Variants in BRD10 observed in about 807,000 individuals in gnomAD.
BRD10 encodes uncharacterized bromodomain-containing protein 10.
the BRD10 span, among the ~76,000 whole-genome samples, chr9:5,911,258 T>C: frequency 6.6e-6 from 1 of 152,236 alleles, no homozygotes; most frequent in East Asian, 1.9e-4. Flanking sequence ...TTCTTCTGCA[T>C]ACAGGTATCT....
At chr9:5,975,504 A>T in the BRD10 span, among the ~76,000 whole-genome samples, 1 of 151,544 alleles carries the variant, frequency 6.6e-6, no homozygotes, top group African/African-American at 2.4e-5. Flanking sequence ...TATTGAAACT[A>T]TATTATTCCA....
chr9:5,885,362 G>A, the BRD10 span, among the ~76,000 whole-genome samples: 2 of 148,078 alleles, frequency 1.4e-5, no homozygotes, highest in Admixed American at 7.0e-5. Context: ...TGTGCTAGAT[G>A]AGTTGACGTA....
At chr9:5,904,177 AT>A in the BRD10 span, among the ~76,000 whole-genome samples, 1 of 150,850 alleles carries the variant, frequency 6.6e-6, no homozygotes, top group African/African-American at 2.4e-5. Flanking sequence ...CTTACTTTTA[AT>A]GTACATGTAT....
chr9:5,994,197 CTTAT>C, the BRD10 span, among the ~76,000 whole-genome samples: 1 of 151,958 alleles, frequency 6.6e-6, no homozygotes, highest in African/African-American at 2.4e-5. Flanking sequence ...TTTAAATATG[CTTAT>C]TTACTCTCTC....
chr9:5,913,380 A>G, the BRD10 span, among the ~76,000 whole-genome samples: 186 of 152,348 alleles, frequency 1.2e-3, 5 homozygotes, highest in East Asian at 0.03. Context: ...TGATGCATCA[A>G]AATCTGTCAA....
the BRD10 span, among the ~76,000 whole-genome samples, chr9:5,949,512 G>C: frequency 1.3e-5 from 2 of 152,148 alleles, no homozygotes; most frequent in African/African-American, 4.8e-5. Flanking sequence ...GTATGTTAAG[G>C]ATCAGTGAGT....
chr9:5,957,996 T>G, the BRD10 span, among the ~76,000 whole-genome samples: 2 of 152,114 alleles, frequency 1.3e-5, no homozygotes, highest in African/African-American at 2.4e-5. Context: ...TAAAATAGAA[T>G]AAAATTCTCA....
chr9:5,921,576 T>G, the BRD10 span: 4 of 1,613,818 alleles, frequency 2.5e-6, no homozygotes, highest in African/African-American at 5.3e-5. Flanking sequence ...GATACCAGCA[T>G]AAGTTTCTGA....
the BRD10 span, chr9:5,968,092 C>T: frequency 6.4e-7 from 1 of 1,565,768 alleles, no homozygotes. Context: ...GTTTGTAAGA[C>T]TTGAATGCAA....
At chr9:5,967,357 T>C in the BRD10 span, among the ~76,000 whole-genome samples, 1 of 152,194 alleles carries the variant, frequency 6.6e-6, no homozygotes, top group Non-Finnish European at 1.5e-5. Flanking sequence ...AATCGGCCAC[T>C]GAAGACTTCA....
chr9:5,961,454 A>G, the BRD10 span, among the ~76,000 whole-genome samples: 1 of 151,742 alleles, frequency 6.6e-6, no homozygotes, highest in East Asian at 1.9e-4. Flanking sequence ...AATGATCTGA[A>G]TTTTTTTTGC....
At chr9:5,977,313 A>G in the BRD10 span, among the ~76,000 whole-genome samples, 1 of 152,194 alleles carries the variant, frequency 6.6e-6, no homozygotes. Flanking sequence ...CTAGCCTCAG[A>G]CTATGAATAC....
chr9:5,922,992 C>G, the BRD10 span: 1 of 1,613,962 alleles, frequency 6.2e-7, no homozygotes, highest in Non-Finnish European at 8.5e-7. Context: ...GGTTTGGTCC[C>G]TTTCTGGAGA....
the BRD10 span, among the ~76,000 whole-genome samples, chr9:5,897,338 G>C: frequency 2.0e-5 from 3 of 152,232 alleles, no homozygotes; most frequent in African/African-American, 7.2e-5. Context: ...CAGAGTTCCT[G>C]TGGGCACACA....
At chr9:5,961,385 A>G in the BRD10 span, among the ~76,000 whole-genome samples, 2 of 152,182 alleles carry the variant, frequency 1.3e-5, no homozygotes, top group Admixed American at 6.5e-5. Context: ...GCTTGTCTCT[A>G]TATTCTTTAA....
At chr9:6,007,996 G>T in the BRD10 span, 72 of 1,275,080 alleles carry the variant, frequency 5.6e-5, 1 homozygote, top group Admixed American at 1.9e-3. Flanking sequence ...GCGCGAGGAG[G>T]GGGGAGAGAA....
At chr9:5,924,893 C>A in the BRD10 span, 1 of 1,288,822 alleles carries the variant, frequency 7.8e-7, no homozygotes, top group South Asian at 2.4e-5. Context: ...GATTTAAATT[C>A]TTGGAATCTA....
the BRD10 span, among the ~76,000 whole-genome samples, chr9:5,927,132 C>G: frequency 6.6e-6 from 1 of 152,064 alleles, no homozygotes; most frequent in Non-Finnish European, 1.5e-5. Flanking sequence ...GTTCTCCTCC[C>G]TTCTCACTCT....
the BRD10 span, chr9:5,933,823 G>C: frequency 1.5e-5 from 7 of 471,210 alleles, no homozygotes; most frequent in South Asian, 1.1e-4. Context: ...CATAACACTG[G>C]CTGGAGTGTG....
Sources: gnomAD v4.1 joint callset for allele counts (sites outside exome capture counted in the v4.1 genomes callset) on GRCh38, gnomAD v4.1.1 for gene constraint, MANE v1.5 for transcripts, NCBI Gene and HGNC (gene_info 2026-07-23, HGNC 2026-07-21) for gene names.